The following ODC1 variants were observed in gnomAD, a reference collection of about 807,000 sequenced individuals.
The protein encoded by ODC1 is ornithine decarboxylase.
ODC1 carries 18 observed loss-of-function variants against 41.5 expected under a neutral mutation model. The observed-to-expected ratio is 0.43, with a 90% CI of 0.30 to 0.64. ODC1 has a LOEUF of 0.64. Among genes scored for constraint, ODC1 ranks in the 30% least tolerant of loss-of-function variants. ODC1 has a pLI of 0.11. For synonymous variants in ODC1, 218 were observed against 211.6 expected, an observed-to-expected ratio of 1.03 and a Z score of -0.26; for missense variants, 504 against 589.0, an observed-to-expected ratio of 0.86 and a Z score of 1.49.
intron 8 of ODC1, 89 bp downstream of exon 8, chr2:10,443,141 G>A (rs1671887550): frequency 1.0e-6 from 1 of 954,398 alleles, no homozygotes; most frequent in African/African-American, 1.6e-5. Flanking sequence ...GCCCATTGTG[G>A]TATTAGTTAA....
chr2:10,440,753 C>G lies in ODC1; in HGVS notation c.1357G>C (p.Ala453Pro). Residue 453 changes from alanine (A) to proline (P), a missense_variant, in exon 12 of 12, where the codon GCC (alanine) becomes CCC (proline). Transcript: ENST00000234111. ...ACATTAATACTAGCCGAAGCACAGG[C>G]TGCTCTGTGGCGTTTCATCCCACTC... The part of the protein sequence containing the change: ...WESGMKRHRA[A>P]CASASINV 6.2e-7 allele frequency: 1 copy of G among 1,614,156 alleles called. No individual in the cohort carries two copies. Among genetic ancestry groups the G allele is most frequent in the South Asian group, 1.1e-5 (1 of 91,084 alleles).
In ODC1 at chr2:10,443,743, C is replaced by T; in HGVS notation, c.543G>A (p.Leu181=). The change falls in exon 6 of 12, where the codon TTG becomes TTA. Residue 181 remains leucine, a synonymous_variant. Coordinates refer to ENST00000234111, the MANE Select transcript of ODC1 (RefSeq NM_002539.3). ...GATLRTSRLL[L]ERAKELNIDV... ...CGATATTTAGCTCTTTCGCCCGTTC[C>T]AAAAGGAGCCTGCTGGTTCTGAGCG... 2 of 1,614,208 alleles carry T rather than the reference C, an allele frequency of 1.2e-6. No individual in the cohort carries two copies. Among genetic ancestry groups the T allele is most frequent in the South Asian group, 2.2e-5 (2 of 91,084 alleles).
intron 1 of ODC1, among the ~76,000 whole-genome samples, chr2:10,446,432 G>A (rs559518835): frequency 3.9e-5 from 6 of 152,218 alleles, no homozygotes; most frequent in Admixed American, 3.9e-4. Flanking sequence ...GAGCCACCAC[G>A]CCCGGCTAGA....
intron 3 of ODC1, 96 bp from the exon 4 acceptor site, chr2:10,444,743 C>T (rs1019146354): frequency 2.6e-6 from 3 of 1,146,126 alleles, no homozygotes; most frequent in African/African-American, 3.1e-5. Flanking sequence ...ACAATGAATC[C>T]TGCTCTTTTG....
rs28362372 is a variant in ODC1, at chr2:10,448,293, G to GGGCGGC, written c.-306_-301dup. 3.2e-4 allele frequency: 79 copies of GGGCGGC among 248,156 alleles called. No homozygotes were observed. Among genetic ancestry groups the GGGCGGC allele is most frequent in the South Asian group, 7.7e-4 (5 of 6,520 alleles). The allele number at this position is 248,156 out of a possible 1,614,324, so 15.4% of individuals were successfully genotyped here. A position where few individuals can be genotyped will look rare whatever the true frequency, so the allele number is the denominator to read the frequency against. On this transcript the variant is annotated 5_prime_UTR_variant, in exon 1 of 12. Coordinates refer to ENST00000234111, the MANE Select transcript of ODC1 (RefSeq NM_002539.3). ...CCGGAGCTGCTGGCAGAGGGGCGGC[G>GGGCGGC]GGCGGCGGCGGCGGCGGCTACAGGA... is the stretch of plus-strand genomic sequence containing the variant.
intron 1 of ODC1, among the ~76,000 whole-genome samples, chr2:10,447,037 G>A (rs1182417268): frequency 2.0e-5 from 3 of 152,184 alleles, no homozygotes; most frequent in Non-Finnish European, 4.4e-5. Context: ...ATAGGCTCAT[G>A]CAGTCTCGGA....
At chr2:10,441,005 G>A in intron 11 of ODC1, 137 bp from the exon 12 acceptor site, 1 of 965,622 alleles carries the variant, frequency 1.0e-6, no homozygotes, top group South Asian at 1.7e-5. Context: ...TACTCAGGCT[G>A]GAATACAATG....
chr2:10,441,729 T>A lies in ODC1; in HGVS notation c.1027-6A>T. 6.2e-7 allele frequency: 1 copy of A among 1,613,972 alleles called. No individual in the cohort carries two copies. ...TTCTCATCTGGTTTAGGTCTCTATATAAAGAGACGGAGAGAGGAAGTACTA... is the reference window on the plus strand; with the variant it reads ...TTCTCATCTGGTTTAGGTCTCTATAAAAAGAGACGGAGAGAGGAAGTACTA... On this transcript the variant is annotated splice_region_variant and splice_polypyrimidine_tract_variant and intron_variant, in intron 10 of 11. Coordinates refer to ENST00000234111, the MANE Select transcript of ODC1 (RefSeq NM_002539.3).
chr2:10,445,601 G>C (rs1440761723), intron 1 of ODC1, among the ~76,000 whole-genome samples: 2 of 152,196 alleles, frequency 1.3e-5, no homozygotes, highest in Non-Finnish European at 2.9e-5. Flanking sequence ...TTTCAGAGCA[G>C]TTTCAGTTCC....
In ODC1 at chr2:10,440,613, C is replaced by T. The variant is rs1004901765; in HGVS notation, c.*111G>A. 2.5e-5 allele frequency: 28 copies of T among 1,101,424 alleles called. No individual in the cohort carries two copies. Among genetic ancestry groups the T allele is most frequent in the Non-Finnish European group, 3.2e-5 (25 of 770,084 alleles). The allele number at this position is 1,101,424 out of a possible 1,614,324, so 68.2% of individuals were successfully genotyped here. On this transcript the variant is annotated 3_prime_UTR_variant, in exon 12 of 12. Coordinates refer to ENST00000234111, the MANE Select transcript of ODC1 (RefSeq NM_002539.3). Reference sequence around the variant, plus strand: ...AGTCTTCCATATGGCTGCATCATGGCGACCCTACTCTTACAAAGACATTTC... The same window carrying T: ...AGTCTTCCATATGGCTGCATCATGGTGACCCTACTCTTACAAAGACATTTC...
chr2:10,446,764 C>T (rs1464184724), intron 1 of ODC1: 2 of 462,862 alleles, frequency 4.3e-6, no homozygotes, highest in Middle Eastern at 3.4e-4. Context: ...AGAGGCCAGG[C>T]AATGGTTCGG....
Position 10,441,511 on chromosome 2 carries a change from C to T in ODC1, c.1239G>A (p.Ala413=), listed in dbSNP as rs188227508. The part of the protein sequence containing the change: ...PTIYYVMSGP[A]WQLMQQFQNP... ...ATCAACATGCATGGCTTACTTACCACGCAGGCCCTGACATCACATAGTAGA... is the reference window on the plus strand; with the variant it reads ...ATCAACATGCATGGCTTACTTACCATGCAGGCCCTGACATCACATAGTAGA... The change falls in exon 11 of 12, where the codon GCG becomes GCA. Residue 413 remains alanine, a splice_region_variant and synonymous_variant. Coordinates refer to ENST00000234111, the MANE Select transcript of ODC1 (RefSeq NM_002539.3). 148 of 1,613,480 alleles carry T rather than the reference C, an allele frequency of 9.2e-5. No individual in the cohort carries two copies. The highest frequency in any genetic ancestry group is 1.1e-4 in the Non-Finnish European group (133 of 1,179,688).
rs1671969443 is a variant in ODC1 at position 10,445,137 on chromosome 2, T to C, written c.-18+18A>G. The C allele has an allele frequency of 2.9e-6, 2 of 688,238 alleles. No individual in the cohort carries two copies. Among genetic ancestry groups the C allele is most frequent in the African/African-American group, 3.6e-5 (2 of 55,574 alleles). 42.6% of individuals were successfully genotyped at this position (688,238 alleles called of 1,614,324 possible). A position where few individuals can be genotyped will look rare whatever the true frequency, so the allele number is the denominator to read the frequency against. Reference sequence around the variant, plus strand: ...TCTTAAGATTAACCTGCAACATAAATGTAAACTGAATACTTACATGGAAAA... The same window carrying C: ...TCTTAAGATTAACCTGCAACATAAACGTAAACTGAATACTTACATGGAAAA... On this transcript the variant is annotated intron_variant, in intron 2 of 11. Transcript: ENST00000234111.
chr2:10,444,403 T>G, intron 4 of ODC1, 71 bp downstream of exon 4: 2 of 1,523,588 alleles, frequency 1.3e-6, no homozygotes, highest in South Asian at 2.6e-5. Context: ...AAAACACAAC[T>G]TGTATCTGCC....
chr2:10,444,455 G>T lies in ODC1; in HGVS notation c.276+19C>A, dbSNP rs1671944570. 1 of 1,592,914 alleles carries T rather than the reference G, an allele frequency of 6.3e-7. No homozygotes were observed. The highest frequency in any genetic ancestry group is 1.3e-5 in the African/African-American group (1 of 74,234). On this transcript the variant is annotated intron_variant, in intron 4 of 11. Coordinates refer to ENST00000234111, the MANE Select transcript of ODC1 (RefSeq NM_002539.3). ...GCCCATTTTATACAACGCTTTTGAG[G>T]CCTGCTGCTATCGCTTACCTTGCTA...
chr2:10,447,579 G>C (rs977470343), intron 1 of ODC1: 1 of 152,264 alleles, frequency 6.6e-6, no homozygotes, highest in African/African-American at 2.4e-5. Context: ...TCATGGCCGA[G>C]CATCTAATAT....
At chr2:10,442,606 A>G (rs933825412) in intron 8 of ODC1, among the ~76,000 whole-genome samples, 1 of 152,226 alleles carries the variant, frequency 6.6e-6, no homozygotes, top group Non-Finnish European at 1.5e-5. Flanking sequence ...AAGTGACTAA[A>G]CATTTCAAGT....
Position 10,443,856 on chromosome 2 carries a change from A to C in ODC1, c.450-20T>G. ...ACCAACCTACAAGCAAGGAAAGTGC[A>C]GCAAATGTCTCATGATAGATGTTCA... On this transcript the variant is annotated intron_variant, in intron 5 of 11. Coordinates refer to ENST00000234111, the MANE Select transcript of ODC1 (RefSeq NM_002539.3). 1 of 1,612,220 alleles carries C rather than the reference A, an allele frequency of 6.2e-7. No homozygotes were observed. Among genetic ancestry groups the C allele is most frequent in the Non-Finnish European group, 8.5e-7 (1 of 1,178,356 alleles).
rs1672106102 is a variant in ODC1 at position 10,448,269 on chromosome 2, C to G, written c.-276G>C. 4.3e-6 allele frequency: 1 copy of G among 232,828 alleles called. No individual in the cohort carries two copies. Among genetic ancestry groups the G allele is most frequent in the Non-Finnish European group, 8.3e-6 (1 of 120,714 alleles). The allele number at this position is 232,828 out of a possible 1,614,324, so 14.4% of individuals were successfully genotyped here. A position where few individuals can be genotyped will look rare whatever the true frequency, so the allele number is the denominator to read the frequency against. On this transcript the variant is annotated 5_prime_UTR_variant, in exon 1 of 12. Coordinates refer to ENST00000234111, the MANE Select transcript of ODC1 (RefSeq NM_002539.3). ...CGGAGACGCCGGCCCGAGGTGGCGC[C>G]GGAGCTGCTGGCAGAGGGGCGGCGG...
Sources: allele counts gnomAD v4.1 joint callset (sites outside exome capture counted in the v4.1 genomes callset), GRCh38; gene constraint gnomAD v4.1.1; transcripts MANE v1.5; gene names NCBI Gene and HGNC (gene_info 2026-07-23, HGNC 2026-07-21).